The following SLC2A13 variants were observed in gnomAD, a reference collection of about 807,000 sequenced individuals.
SLC2A13 encodes solute carrier family 2 member 13.
A neutral mutation model predicts 64.4 loss-of-function variants in SLC2A13; 32 were observed. That is an observed-to-expected ratio of 0.50 (90% CI 0.37 to 0.67). The LOEUF is 0.67. SLC2A13 is among the 30% of genes least tolerant of loss of function. SLC2A13 has a pLI of 0.00. For missense variants in SLC2A13, 743 were observed against 829.2 expected, an observed-to-expected ratio of 0.90 and a Z score of 1.28; for synonymous variants, 338 against 327.1, an observed-to-expected ratio of 1.03 and a Z score of -0.36.
chr12:39,847,524 C>T (rs1353317573), intron 6 of SLC2A13, among the ~76,000 whole-genome samples: 1 of 152,080 alleles, frequency 6.6e-6, no homozygotes, highest in Non-Finnish European at 1.5e-5. Context: ...TTCCTTCTGG[C>T]TTGCTTCACA....
intron 3 of SLC2A13, among the ~76,000 whole-genome samples, chr12:39,996,276 G>A (rs1045471074): frequency 1.3e-5 from 2 of 152,190 alleles, no homozygotes; most frequent in Non-Finnish European, 2.9e-5. Flanking sequence ...GTGGTATCTA[G>A]TGGAAGAAAT....
At chr12:39,955,735 T>C (rs768507192) in intron 3 of SLC2A13, among the ~76,000 whole-genome samples, 1 of 152,016 alleles carries the variant, frequency 6.6e-6, no homozygotes, top group Non-Finnish European at 1.5e-5. Flanking sequence ...TGTATCCTTA[T>C]CAGGAGGAGG....
At chr12:40,013,269 T>C (rs1299100191) in intron 3 of SLC2A13, among the ~76,000 whole-genome samples, 1 of 152,204 alleles carries the variant, frequency 6.6e-6, no homozygotes, top group Non-Finnish European at 1.5e-5. Flanking sequence ...GGATGGATTA[T>C]GCTCTTAAGA....
At chr12:39,978,793 T>G (rs933385623) in intron 3 of SLC2A13, among the ~76,000 whole-genome samples, 12 of 151,962 alleles carry the variant, frequency 7.9e-5, no homozygotes, top group South Asian at 2.1e-4. Context: ...CAAAGCAGCC[T>G]GGAAGCTCGA....
chr12:39,992,378 C>A (rs1947151923), intron 3 of SLC2A13, among the ~76,000 whole-genome samples: 1 of 152,102 alleles, frequency 6.6e-6, no homozygotes, highest in African/African-American at 2.4e-5. Context: ...CAATACTGGG[C>A]AAGAGAAAAA....
At chr12:39,911,439 A>G (rs1945427669) in intron 4 of SLC2A13, among the ~76,000 whole-genome samples, 1 of 151,958 alleles carries the variant, frequency 6.6e-6, no homozygotes, top group African/African-American at 2.4e-5. Flanking sequence ...CTGTAATCTC[A>G]TCCTGTTGTC....
At chr12:39,881,300 T>C (rs1048273245) in intron 4 of SLC2A13, among the ~76,000 whole-genome samples, 3 of 152,034 alleles carry the variant, frequency 2.0e-5, no homozygotes, top group Non-Finnish European at 4.4e-5. Flanking sequence ...CTGGAATTCA[T>C]AGATGACAAT....
At chr12:39,946,819 T>TC (rs1946143531) in intron 4 of SLC2A13, among the ~76,000 whole-genome samples, 1 of 152,174 alleles carries the variant, frequency 6.6e-6, no homozygotes, top group Non-Finnish European at 1.5e-5. Flanking sequence ...CTTTAGTTTT[T>TC]CCCCCGGCCT....
intron 1 of SLC2A13, among the ~76,000 whole-genome samples, chr12:40,104,961 A>G (rs1939256156): frequency 6.6e-6 from 1 of 152,176 alleles, no homozygotes; most frequent in Non-Finnish European, 1.5e-5. Flanking sequence ...GGTTTCTGGA[A>G]GTGCTGAGAG....
intron 1 of SLC2A13, among the ~76,000 whole-genome samples, chr12:40,082,589 T>C (rs916343149): frequency 2.6e-5 from 4 of 152,148 alleles, no homozygotes; most frequent in Non-Finnish European, 5.9e-5. Context: ...CCCCTTCCCA[T>C]GAGCAAGATA....
intron 3 of SLC2A13, among the ~76,000 whole-genome samples, chr12:39,996,521 G>A (rs767820222): frequency 1.3e-5 from 2 of 152,200 alleles, no homozygotes; most frequent in African/African-American, 2.4e-5. Context: ...CATGTCAGAG[G>A]TCTTCACAGC....
chr12:39,905,670 A>G (rs1945253019), intron 4 of SLC2A13, among the ~76,000 whole-genome samples: 1 of 152,126 alleles, frequency 6.6e-6, no homozygotes, highest in African/African-American at 2.4e-5. Flanking sequence ...TCTTATGTCT[A>G]TAAACATTAA....
chr12:39,801,996 A>G (rs912675329), intron 7 of SLC2A13, among the ~76,000 whole-genome samples: 3 of 152,202 alleles, frequency 2.0e-5, no homozygotes, highest in Admixed American at 2.0e-4. Context: ...ATAGCCAATG[A>G]ATAAGTAAGC....
Position 39,908,064 on chromosome 12 carries a change from A to G in SLC2A13, c.1035-36103T>C, listed in dbSNP as rs527692054. ...GAACCACATAGACTTATCTATTACC[A>G]GGATCGGAGAGAGCGGGCCCCTTTC... On this transcript the variant is annotated intron_variant, in intron 4 of 9. Coordinates refer to ENST00000280871, the MANE Select transcript of SLC2A13 (RefSeq NM_052885.4). The G allele has an allele frequency of 2.0e-5, 3 of 152,150 alleles. No homozygotes were observed. In the East Asian group the frequency reaches 5.8e-4, roughly 29 times the overall value. 9.4% of individuals were successfully genotyped at this position (152,150 alleles called of 1,614,324 possible). A position where few individuals can be genotyped will look rare whatever the true frequency, so the allele number is the denominator to read the frequency against.
intron 4 of SLC2A13, among the ~76,000 whole-genome samples, chr12:39,884,378 A>C (rs1474394421): frequency 1.3e-5 from 2 of 152,174 alleles, no homozygotes; most frequent in Non-Finnish European, 2.9e-5. Flanking sequence ...CCTTCGCCAA[A>C]CTTCGTATTT....
intron 7 of SLC2A13, among the ~76,000 whole-genome samples, chr12:39,774,926 T>C (rs968571638): frequency 5.3e-5 from 8 of 152,178 alleles, no homozygotes; most frequent in Non-Finnish European, 1.0e-4. Context: ...GATGAGACTA[T>C]AGCAATAGTG....
chr12:39,945,915 G>GA (rs939190640), intron 4 of SLC2A13, among the ~76,000 whole-genome samples: 7 of 151,870 alleles, frequency 4.6e-5, no homozygotes, highest in African/African-American at 1.7e-4. Context: ...TTTTTGTGGG[G>GA]GGGTGTTGAA....
chr12:40,105,831 C>G lies in SLC2A13; in HGVS notation c.-23G>C. 1 of 1,391,282 alleles carries G rather than the reference C, an allele frequency of 7.2e-7. No homozygotes were observed. 86.2% of individuals were successfully genotyped at this position (1,391,282 alleles called of 1,614,324 possible). On this transcript the variant is annotated 5_prime_UTR_variant, in exon 1 of 10. Transcript: ENST00000280871. This position sits in a 1 kb window ranked among gnomAD's most constrained non-coding sequence, Gnocchi z 4.2. ...CATAGGGCAGGGGCCCGGGGCTGCC[C>G]GGGGGGACGCGGCTCCGCGGGCCGG...
chr12:39,871,998 T>A, intron 4 of SLC2A13, 37 bp from the exon 5 acceptor site: 2 of 1,479,482 alleles, frequency 1.4e-6, no homozygotes, highest in South Asian at 1.5e-5. Context: ...CTATTGATAG[T>A]TACCCAAAGA....
Sources: gnomAD v4.1 joint callset for allele counts (sites outside exome capture counted in the v4.1 genomes callset) on GRCh38, gnomAD v4.1.1 for gene constraint, Gnocchi (gnomAD v3.1) non-coding constraint, MANE v1.5 for transcripts, NCBI Gene and HGNC (gene_info 2026-07-23, HGNC 2026-07-21) for gene names.